The following MARCHF3 variants were observed in gnomAD, a reference collection of about 807,000 sequenced individuals.
MARCHF3 encodes the protein membrane associated ring-CH-type finger 3.
In MARCHF3, 13 loss-of-function variants were observed where a neutral mutation model predicts 24.2. The observed-to-expected ratio is 0.54, with a 90% CI of 0.35 to 0.85. The LOEUF (loss-of-function observed/expected upper bound fraction) is 0.85, where lower values mean the gene tolerates loss of function less well. Among genes scored for constraint, MARCHF3 ranks in the 40% least tolerant of loss-of-function variants. The pLI, the probability that MARCHF3 is intolerant of heterozygous loss-of-function variation, is 0.01. For synonymous variants in MARCHF3, 144 were observed against 137.3 expected (o/e 1.05, Z -0.34); for missense variants, 276 against 325.0 (o/e 0.85, Z 1.16).
chr5:126,877,577 G>A lies in MARCHF3; in HGVS notation c.603+608C>T, dbSNP rs535149906. ...GTAAAAATTCTTCCTCACACACAGC[G>A]AGAACACTTATTGGGAAATGGCCTT... On this transcript the variant is annotated intron_variant, in intron 4 of 4. Transcript: ENST00000308660. Among the ~76,000 whole-genome samples the A allele has an allele frequency of 5.9e-5, 9 of 152,312 alleles. No homozygotes were observed. The East Asian group carries it at 1.2e-3, about 20-fold the overall frequency.
At chr5:126,904,063 G>A (rs1205740934) in intron 3 of MARCHF3, among the ~76,000 whole-genome samples, 1 of 149,996 alleles carries the variant, frequency 6.7e-6, no homozygotes, top group Non-Finnish European at 1.5e-5. Flanking sequence ...AATATGCAGT[G>A]TTTGGTTTTT....
intron 1 of MARCHF3, among the ~76,000 whole-genome samples, chr5:126,939,850 A>G (rs1297250621): frequency 1.3e-5 from 2 of 152,080 alleles, no homozygotes; most frequent in Non-Finnish European, 2.9e-5. Context: ...ACCTTATTTA[A>G]TATATATTGT....
At chr5:126,937,368 A>G (rs749819536) in intron 1 of MARCHF3, among the ~76,000 whole-genome samples, 1 of 152,248 alleles carries the variant, frequency 6.6e-6, no homozygotes, top group African/African-American at 2.4e-5. Context: ...GCCAATTTAA[A>G]TTAAAAATCC....
intron 3 of MARCHF3, among the ~76,000 whole-genome samples, chr5:126,892,747 T>C (rs1753739866): frequency 6.7e-6 from 1 of 149,590 alleles, no homozygotes; most frequent in Non-Finnish European, 1.5e-5. Context: ...GGTCTAAAAT[T>C]CTCTTTTTTT....
chr5:126,976,565 C>T (rs531218325), intron 1 of MARCHF3, among the ~76,000 whole-genome samples: 6 of 152,212 alleles, frequency 3.9e-5, no homozygotes, highest in Non-Finnish European at 8.8e-5. Context: ...TCTATCTAGA[C>T]CTCTTCACAT....
At chr5:126,986,377 AT>A (rs1218578226) in intron 1 of MARCHF3, among the ~76,000 whole-genome samples, 1 of 152,234 alleles carries the variant, frequency 6.6e-6, no homozygotes, top group Non-Finnish European at 1.5e-5. Flanking sequence ...AAGCTAAATA[AT>A]TTTTTGAAAA....
intron 1 of MARCHF3, among the ~76,000 whole-genome samples, chr5:126,937,712 G>A (rs1401892862): frequency 6.6e-6 from 1 of 152,192 alleles, no homozygotes; most frequent in Non-Finnish European, 1.5e-5. Context: ...CTGACTAAAT[G>A]GATATACTAT....
intron 1 of MARCHF3, among the ~76,000 whole-genome samples, chr5:126,970,052 A>G (rs1750950362): frequency 6.6e-6 from 1 of 152,038 alleles, no homozygotes; most frequent in Non-Finnish European, 1.5e-5. Context: ...TTCAGGTTCC[A>G]GGCTTATGCT....
intron 3 of MARCHF3, among the ~76,000 whole-genome samples, chr5:126,881,935 A>G (rs946210325): frequency 7.2e-5 from 11 of 152,188 alleles, no homozygotes; most frequent in African/African-American, 2.7e-4. Flanking sequence ...AGCACACAGC[A>G]AACTAAAACA....
At chr5:126,922,748 A>G (rs190749110) in intron 1 of MARCHF3, among the ~76,000 whole-genome samples, 6 of 152,042 alleles carry the variant, frequency 3.9e-5, no homozygotes, top group Admixed American at 3.9e-4. Context: ...GAGTTTCGCC[A>G]TGTTAGCCAG....
At chr5:127,006,518 C>T (rs1404274540) in intron 1 of MARCHF3, among the ~76,000 whole-genome samples, 1 of 152,090 alleles carries the variant, frequency 6.6e-6, no homozygotes, top group East Asian at 1.9e-4. Context: ...CTTAAGATGA[C>T]ACCTTTATCT....
intron 1 of MARCHF3, among the ~76,000 whole-genome samples, chr5:127,020,954 C>T (rs772749774): frequency 6.6e-5 from 10 of 152,096 alleles, no homozygotes; most frequent in Non-Finnish European, 1.0e-4. Flanking sequence ...GGTGAAAAGG[C>T]ACCATCTGTG....
intron 1 of MARCHF3, among the ~76,000 whole-genome samples, chr5:126,998,867 C>T (rs1163425013): frequency 6.6e-6 from 1 of 152,054 alleles, no homozygotes; most frequent in Non-Finnish European, 1.5e-5. Context: ...GTGGATGTTA[C>T]CTAAAGAAGC....
intron 2 of MARCHF3, 117 bp from the exon 3 acceptor site, chr5:126,915,251 T>C: frequency 1.3e-6 from 1 of 743,264 alleles, no homozygotes; most frequent in Non-Finnish European, 1.9e-6. Flanking sequence ...TAAGACCTCT[T>C]AGATCTACAC....
intron 3 of MARCHF3, among the ~76,000 whole-genome samples, chr5:126,888,346 T>C (rs1176562907): frequency 6.6e-6 from 1 of 152,212 alleles, no homozygotes; most frequent in African/African-American, 2.4e-5. Flanking sequence ...GCTCCATAAA[T>C]ACTATGCTTA....
chr5:126,946,735 G>C (rs1189133386), intron 1 of MARCHF3, among the ~76,000 whole-genome samples: 1 of 147,990 alleles, frequency 6.8e-6, no homozygotes, highest in African/African-American at 2.5e-5. Flanking sequence ...AGAGGTCAGA[G>C]AGGGAGAGGG....
chr5:126,943,583 C>CAA (rs563692073), intron 1 of MARCHF3, among the ~76,000 whole-genome samples: 22 of 124,896 alleles, frequency 1.8e-4, no homozygotes, highest in African/African-American at 6.2e-4. Context: ...ATCTCATCTC[C>CAA]AAAAAAAAAA....
At chr5:126,939,585 T>C (rs934647411) in intron 1 of MARCHF3, among the ~76,000 whole-genome samples, 23 of 152,226 alleles carry the variant, frequency 1.5e-4, no homozygotes, top group African/African-American at 5.1e-4. Context: ...AGTTGTAATC[T>C]TAACACCAGA....
At position 126,878,068 on chromosome 5, in the gene MARCHF3, G is replaced by A. The variant is rs901464267; in HGVS notation, c.603+117C>T. The A allele has an allele frequency of 1.7e-5, 16 of 935,914 alleles. No individual in the cohort carries two copies. The South Asian group carries it at 2.1e-4, about 12-fold the overall frequency. The allele number at this position is 935,914 out of a possible 1,614,324, so 58.0% of individuals were successfully genotyped here. A position where few individuals can be genotyped will look rare whatever the true frequency, so the allele number is the denominator to read the frequency against. On this transcript the variant is annotated intron_variant, in intron 4 of 4. Coordinates refer to ENST00000308660, the MANE Select transcript of MARCHF3 (RefSeq NM_178450.5). Reference sequence around the variant, plus strand: ...AAATCTCATGCTCCCGCCAGCAATCGAAGGTCTGTTTTCTACCGGGCAGGT... The same window carrying A: ...AAATCTCATGCTCCCGCCAGCAATCAAAGGTCTGTTTTCTACCGGGCAGGT...
Sources: gnomAD v4.1 joint callset for allele counts (sites outside exome capture counted in the v4.1 genomes callset) on GRCh38, gnomAD v4.1.1 for gene constraint, MANE v1.5 for transcripts, NCBI Gene and HGNC (gene_info 2026-07-23, HGNC 2026-07-21) for gene names.